The following PSMD2 variants were observed in gnomAD, a reference collection of about 807,000 sequenced individuals.
The protein encoded by PSMD2 is 26S proteasome non-ATPase regulatory subunit 2.
In PSMD2, 8 loss-of-function variants were observed where a neutral mutation model predicts 101.5. The ratio of observed to expected loss-of-function variants is 0.08; its 90% CI spans 0.05 to 0.14. The LOEUF (loss-of-function observed/expected upper bound fraction) is 0.14. Among genes scored for constraint, PSMD2 ranks in the 10% least tolerant of loss-of-function variants. The pLI is 1.00. For missense variants in PSMD2, 784 were observed against 1,147.4 expected, an observed-to-expected ratio of 0.68 and a Z score of 4.58; for synonymous variants, 418 against 433.8, an observed-to-expected ratio of 0.96 and a Z score of 0.45.
At position 184,308,886 on chromosome 3, in the gene PSMD2, T is replaced by C. The variant is rs1283663448; in HGVS notation, c.2723T>C (p.Leu908Pro). The change falls in exon 21 of 21, where the codon CTC becomes CCC. Residue 908 changes from leucine (L) to proline (P), a missense_variant. This residue lies in a region of PSMD2 where 33 missense variants were observed against 38.2 expected (regional missense o/e 0.86). Transcript: ENST00000310118. This position sits in a 1 kb window ranked among gnomAD's most constrained non-coding sequence, Gnocchi z 6.0. ...CTTCGGAAGAACCCCAATTATGATCTCTAAGTGACCACCAGGGGCTCTGAA... is the reference window on the plus strand; with the variant it reads ...CTTCGGAAGAACCCCAATTATGATCCCTAAGTGACCACCAGGGGCTCTGAA... ...VILRKNPNYD[L>P] The C allele has an allele frequency of 1.2e-6, 2 of 1,611,464 alleles. No homozygotes were observed. Among genetic ancestry groups the C allele is most frequent in the Admixed American group, 1.7e-5 (1 of 59,976 alleles).
Position 184,299,375 on chromosome 3 carries a change from G to A in PSMD2, c.109G>A (p.Gly37Arg), listed in dbSNP as rs1721567517. 1 of 1,400,550 alleles carries A rather than the reference G, an allele frequency of 7.1e-7. No individual in the cohort carries two copies. The allele number at this position is 1,400,550 out of a possible 1,614,324, so 86.8% of individuals were successfully genotyped here. A position where few individuals can be genotyped will look rare whatever the true frequency, so the allele number is the denominator to read the frequency against. The change falls in exon 1 of 21, where the codon GGG becomes AGG. Residue 37 changes from glycine to arginine, a missense_variant. Coordinates refer to ENST00000310118, the MANE Select transcript of PSMD2 (RefSeq NM_002808.5). ...GAGCGGCAAGGAGCGGCGGGATGCCGGGGACAAGGACAAAGAACAGGAGCT... is the reference window on the plus strand; with the variant it reads ...GAGCGGCAAGGAGCGGCGGGATGCCAGGGACAAGGACAAAGAACAGGAGCT... ...KPSGKERRDAGDKDKEQELSE... is the reference protein window; with the variant it reads ...KPSGKERRDARDKDKEQELSE...
At position 184,300,375 on chromosome 3, in the gene PSMD2, C is replaced by G; in HGVS notation, c.288C>G (p.Leu96=). The G allele has an allele frequency of 6.2e-7, 1 of 1,614,070 alleles. No individual in the cohort carries two copies. Among genetic ancestry groups the G allele is most frequent in the Non-Finnish European group, 8.5e-7 (1 of 1,179,936 alleles). Reference sequence around the variant, plus strand: ...CCATGACTTCAGTGCCCAAGCCTCTCAAATTTCTGCGTCCACACTATGGCA... The same window carrying G: ...CCATGACTTCAGTGCCCAAGCCTCTGAAATTTCTGCGTCCACACTATGGCA... ...TTSMTSVPKP[L]KFLRPHYGKL... is the part of the protein sequence containing the mutation. The change falls in exon 3 of 21, where the codon CTC becomes CTG. Residue 96 remains leucine, a synonymous_variant. Transcript: ENST00000310118.
In PSMD2 at chr3:184,307,475, A is replaced by T. The variant is rs1721871852; in HGVS notation, c.2153A>T (p.Asp718Val). The T allele has an allele frequency of 6.2e-7, 1 of 1,614,214 alleles. No homozygotes were observed. The highest frequency in any genetic ancestry group is 8.5e-7 in the Non-Finnish European group (1 of 1,180,046). ...CTAAGCAAATTCTCTCATGATGCTG[A>T]TCCAGAAGTTTCCTATAACTCCATT... ...DTLSKFSHDA[D>V]PEVSYNSIFA... The change falls in exon 17 of 21, where the codon GAT becomes GTT. Residue 718 changes from aspartate to valine, a missense_variant. By Grantham distance (152) the Asp-to-Val change is radical (BLOSUM62 -3). This residue lies in a region of PSMD2 where 282 missense variants were observed against 437.6 expected (regional missense o/e 0.64). Coordinates refer to ENST00000310118, the MANE Select transcript of PSMD2 (RefSeq NM_002808.5).
intron 5 of PSMD2, 71 bp downstream of exon 5, chr3:184,302,142 C>T: frequency 1.3e-6 from 2 of 1,492,708 alleles, no homozygotes; most frequent in East Asian, 2.3e-5. Flanking sequence ...TGCGCCTCCT[C>T]TATTTTCCCA....
At position 184,307,722 on chromosome 3, in the gene PSMD2, C is replaced by G. The variant is rs1721881247; in HGVS notation, c.2298+14C>G. 6.2e-7 allele frequency: 1 copy of G among 1,612,644 alleles called. No individual in the cohort carries two copies. Among genetic ancestry groups the G allele is most frequent in the African/African-American group, 1.3e-5 (1 of 74,984 alleles). On this transcript the variant is annotated intron_variant, in intron 18 of 20. Transcript: ENST00000310118. ...CGCTTGGCACAGGTAAAGAATAGAA[C>G]TCCTCCACAGAGCGTGCCGGGGAAG...
chr3:184,304,277 G>A lies in PSMD2; in HGVS notation c.1452-27G>A. ...TTGCTGCATCGTTGGGTATGTGTTG[G>A]GGACCGCCTTTCCATGGCTTTTGCA... On this transcript the variant is annotated intron_variant, in intron 11 of 20. Coordinates refer to ENST00000310118, the MANE Select transcript of PSMD2 (RefSeq NM_002808.5). The surrounding 1 kb of genome is among the most constrained non-coding windows in gnomAD (Gnocchi z 4.1). 1 of 1,609,920 alleles carries A rather than the reference G, an allele frequency of 6.2e-7. No homozygotes were observed. Among genetic ancestry groups the A allele is most frequent in the Non-Finnish European group, 8.5e-7 (1 of 1,176,140 alleles).
At position 184,303,483 on chromosome 3, in the gene PSMD2, G is replaced by C; in HGVS notation, c.1216+17G>C. 2 of 1,612,500 alleles carry C rather than the reference G, an allele frequency of 1.2e-6. No individual in the cohort carries two copies. Among genetic ancestry groups the C allele is most frequent in the Non-Finnish European group, 1.7e-6 (2 of 1,179,200 alleles). On this transcript the variant is annotated intron_variant, in intron 9 of 20. Coordinates refer to ENST00000310118, the MANE Select transcript of PSMD2 (RefSeq NM_002808.5). ...AGGACCACGGTATAATTCTGTTCCT[G>C]CTTTGTCTTTTGTTTTGCTTTGATC...
Position 184,306,089 on chromosome 3 carries a change from C to G in PSMD2, c.1738C>G (p.Leu580Val). ...GGCCATCGAGGCAATCCTGGCTGCA[C>G]TGGAGGTTGTGTCAGAGCCATTCCG... ...GEAIEAILAALEVVSEPFRSF... is the reference protein window; with the variant it reads ...GEAIEAILAAVEVVSEPFRSF... Residue 580 changes from leucine (L) to valine (V), a missense_variant, in exon 14 of 21, where the codon CTG becomes GTG. Physicochemically the swap from Leu to Val is conservative, Grantham distance 32. Coordinates refer to ENST00000310118, the MANE Select transcript of PSMD2 (RefSeq NM_002808.5). 6.2e-7 allele frequency: 1 copy of G among 1,614,220 alleles called. No homozygotes were observed. The highest frequency in any genetic ancestry group is 8.5e-7 in the Non-Finnish European group (1 of 1,180,038).
rs1256224506 is a variant in PSMD2, at chr3:184,303,558, A to G, written c.1217-85A>G. On this transcript the variant is annotated intron_variant, in intron 9 of 20. Coordinates refer to ENST00000310118, the MANE Select transcript of PSMD2 (RefSeq NM_002808.5). Reference sequence around the variant, plus strand: ...TAAGTTATCTGACAAGGGATCCACCATGCAGTTCTTTGGAGAGCTCTTTAT... The same window carrying G: ...TAAGTTATCTGACAAGGGATCCACCGTGCAGTTCTTTGGAGAGCTCTTTAT... 52 of 1,606,836 alleles carry G rather than the reference A, an allele frequency of 3.2e-5. No homozygotes were observed. The Middle Eastern group carries it at 6.6e-4, about 20-fold the overall frequency.
In PSMD2 at chr3:184,308,915, C is replaced by T. The variant is rs6845; in HGVS notation, c.*25C>T. 0.44 allele frequency: 707,327 copies of T among 1,596,954 alleles called. 162,998 individuals carry two copies. The highest frequency in any genetic ancestry group is 0.48 in the Non-Finnish European group (560,008 of 1,169,472). On this transcript the variant is annotated 3_prime_UTR_variant, in exon 21 of 21. Transcript: ENST00000310118. The surrounding 1 kb of genome is among the most constrained non-coding windows in gnomAD (Gnocchi z 6.0). ...AGTGACCACCAGGGGCTCTGAACTG[C>T]AGCTGATGTTATCAGCAGGCCATGC... is the stretch of plus-strand genomic sequence containing the variant.
chr3:184,303,200 G>A (rs904628000), intron 8 of PSMD2, 120 bp from the exon 9 acceptor site: 28 of 1,493,612 alleles, frequency 1.9e-5, no homozygotes, highest in Non-Finnish European at 2.6e-5. Flanking sequence ...TGCTTGGGGG[G>A]GTATAGGTAG....
At chr3:184,307,748 T>C in intron 18 of PSMD2, 40 bp downstream of exon 18, 2 of 1,606,852 alleles carry the variant, frequency 1.2e-6, no homozygotes, top group East Asian at 2.2e-5. Flanking sequence ...GCCGGGGAAG[T>C]ATCTGTGGTG....
chr3:184,300,722 C>A, intron 3 of PSMD2: 2 of 1,017,470 alleles, frequency 2.0e-6, no homozygotes, highest in East Asian at 4.9e-5. Context: ...TTCTTCTATC[C>A]CATATACATT....
chr3:184,303,689 T>C lies in PSMD2; in HGVS notation c.1263T>C (p.Asp421=), dbSNP rs1170835837. ...AASLGMILLW[D]VDGGLTQIDK... ...CTCTTGGGATGATTCTGCTGTGGGA[T>C]GTGGATGGTGGCCTCACCCAGATTG... The change falls in exon 10 of 21, where the codon GAT becomes GAC. Residue 421 remains aspartate, a synonymous_variant. Coordinates refer to ENST00000310118, the MANE Select transcript of PSMD2 (RefSeq NM_002808.5). The C allele has an allele frequency of 1.2e-6, 2 of 1,614,110 alleles. No homozygotes were observed. Among genetic ancestry groups the C allele is most frequent in the African/African-American group, 2.7e-5 (2 of 74,938 alleles).
At chr3:184,307,812 G>A in intron 18 of PSMD2, 78 bp from the exon 19 acceptor site, 1 of 1,607,680 alleles carries the variant, frequency 6.2e-7, no homozygotes, top group South Asian at 1.1e-5. Flanking sequence ...GACCAAGTGG[G>A]AGATTTCTGT....
chr3:184,304,118 A>G lies in PSMD2; in HGVS notation c.1451+44A>G, dbSNP rs779190952. On this transcript the variant is annotated intron_variant, in intron 11 of 20. Coordinates refer to ENST00000310118, the MANE Select transcript of PSMD2 (RefSeq NM_002808.5). The surrounding 1 kb of genome is among the most constrained non-coding windows in gnomAD (Gnocchi z 4.1). ...CTTTCTGGTAGTGCTCAGCCTGTACACTCTGGAGAACAGGAACTGGGCCCT... is the reference window on the plus strand; with the variant it reads ...CTTTCTGGTAGTGCTCAGCCTGTACGCTCTGGAGAACAGGAACTGGGCCCT... The G allele has an allele frequency of 2.5e-6, 4 of 1,609,884 alleles. 1 individual carries two copies. The highest frequency in any genetic ancestry group is 3.3e-5 in the Admixed American group (2 of 59,984).
rs374946236 is a variant in PSMD2 at position 184,306,031 on chromosome 3, G to A, written c.1703-23G>A. ...TGCTGGATGGAGGCAAGTATCCTCTGACCCCTTGAATCTGTCCTGTAGGGA... is the reference window on the plus strand; with the variant it reads ...TGCTGGATGGAGGCAAGTATCCTCTAACCCCTTGAATCTGTCCTGTAGGGA... On this transcript the variant is annotated intron_variant, in intron 13 of 20. Coordinates refer to ENST00000310118, the MANE Select transcript of PSMD2 (RefSeq NM_002808.5). The A allele has an allele frequency of 2.9e-5, 47 of 1,613,932 alleles. No individual in the cohort carries two copies. The African/African-American group carries it at 5.2e-4, about 18-fold the overall frequency.
At position 184,304,064 on chromosome 3, in the gene PSMD2, T is replaced by C; in HGVS notation, c.1441T>C (p.Ser481Pro). ...LHNSNTMRLGSIFGLGLAYAG... is the reference protein window; with the variant it reads ...LHNSNTMRLGPIFGLGLAYAG... The stretch of plus-strand genomic sequence containing the variant: ...CAACAGCAACACCATGAGACTTGGT[T>C]CCATCTTTGGGTAAGGTTCCTCGCT... Residue 481 changes from serine to proline, a missense_variant, in exon 11 of 21, where the codon TCC (serine) becomes CCC (proline). Physicochemically the swap from Ser to Pro is moderately conservative, Grantham distance 74. Coordinates refer to ENST00000310118, the MANE Select transcript of PSMD2 (RefSeq NM_002808.5). This position sits in a 1 kb window ranked among gnomAD's most constrained non-coding sequence, Gnocchi z 4.1. 1.9e-6 allele frequency: 3 copies of C among 1,614,170 alleles called. No homozygotes were observed. The highest frequency in any genetic ancestry group is 2.5e-6 in the Non-Finnish European group (3 of 1,180,032).
At position 184,301,033 on chromosome 3, in the gene PSMD2, TTA is replaced by T. The variant is rs201442367; in HGVS notation, c.358-503_358-502del. Among the ~76,000 whole-genome samples, 1,239 of 152,228 alleles carry T rather than the reference TTA, an allele frequency of 8.1e-3. 5 individuals are homozygous for T. Among genetic ancestry groups the T allele is most frequent in the South Asian group, 0.022 (106 of 4,818 alleles). ...TTTATCACCCTTCAGCTGTGTTAGT[TTA>T]AAAGGAAGACAGTGGCTGGGTGTGG... is the stretch of plus-strand genomic sequence containing the variant. On this transcript the variant is annotated intron_variant, in intron 3 of 20. Transcript: ENST00000310118.
Sources: gnomAD v4.1 joint callset for allele counts (sites outside exome capture counted in the v4.1 genomes callset) on GRCh38, gnomAD v4.1.1 for gene constraint, gnomAD v4.1.1 regional missense constraint, Gnocchi (gnomAD v3.1) non-coding constraint, MANE v1.5 for transcripts, NCBI Gene and HGNC (gene_info 2026-07-23, HGNC 2026-07-21) for gene names.